Variants in PRMT3 observed in about 807,000 individuals in gnomAD.
PRMT3 encodes protein arginine methyltransferase 3.
PRMT3 carries 62 observed loss-of-function variants against 71.9 expected under a neutral mutation model. That is an observed-to-expected ratio of 0.86 (90% CI 0.70 to 1.07). The LOEUF is 1.07. Ranked by LOEUF, PRMT3 falls within the 50% of genes least tolerant of loss-of-function variation. The pLI, the probability that PRMT3 is intolerant of heterozygous loss-of-function variation, is 0.00. For missense variants in PRMT3, 663 were observed against 643.0 expected (o/e 1.03, Z -0.34); for synonymous variants, 213 against 220.4 (o/e 0.97, Z 0.30).
intron 8 of PRMT3, chr11:20,406,166 A>G (rs1041527038): frequency 6.6e-6 from 1 of 152,256 alleles, no homozygotes; most frequent in Non-Finnish European, 1.5e-5. Flanking sequence ...TAGTGTTTGC[A>G]TATAACCTGC....
intron 13 of PRMT3, among the ~76,000 whole-genome samples, chr11:20,480,212 C>T (rs1043308332): frequency 1.3e-5 from 2 of 151,996 alleles, no homozygotes; most frequent in Admixed American, 6.6e-5. Context: ...AGGAGTGGTC[C>T]GTATCTTGAT....
intron 10 of PRMT3, among the ~76,000 whole-genome samples, chr11:20,434,611 T>C (rs763310012): frequency 1.3e-5 from 2 of 152,208 alleles, no homozygotes; most frequent in African/African-American, 2.4e-5. Flanking sequence ...ATTTAGTGAA[T>C]AGGGAGTCCT....
chr11:20,477,462 C>G (rs2133427245), intron 13 of PRMT3, among the ~76,000 whole-genome samples: 1 of 152,014 alleles, frequency 6.6e-6, no homozygotes, highest in Non-Finnish European at 1.5e-5. Flanking sequence ...GATGCTGAAG[C>G]AGGAGAATCA....
intron 13 of PRMT3, among the ~76,000 whole-genome samples, chr11:20,492,103 A>G (rs1011270217): frequency 2.6e-5 from 4 of 152,234 alleles, no homozygotes; most frequent in Non-Finnish European, 5.9e-5. Flanking sequence ...TTGCTCTTAA[A>G]TAAATTGCAG....
intron 13 of PRMT3, among the ~76,000 whole-genome samples, chr11:20,482,023 G>A (rs554681274): frequency 6.6e-6 from 1 of 152,004 alleles, no homozygotes; most frequent in African/African-American, 2.4e-5. Flanking sequence ...GGGAGGAATC[G>A]CCTGTAATAC....
At chr11:20,392,103 A>T in intron 3 of PRMT3, 108 bp from the exon 4 acceptor site, 1 of 1,048,556 alleles carries the variant, frequency 9.5e-7, no homozygotes, top group Non-Finnish European at 1.4e-6. Flanking sequence ...GTAGTAATTT[A>T]GAGGTCAGAA....
intron 9 of PRMT3, among the ~76,000 whole-genome samples, chr11:20,418,833 C>T (rs1849365695): frequency 6.6e-6 from 1 of 151,660 alleles, no homozygotes; most frequent in African/African-American, 2.4e-5. Flanking sequence ...CATAAAACAT[C>T]AATAAACATG....
chr11:20,405,572 C>T (rs1849052159), intron 8 of PRMT3: 3 of 152,128 alleles, frequency 2.0e-5, no homozygotes, highest in African/African-American at 7.2e-5. Context: ...CTCTCTGAAG[C>T]TCACATTCTT....
At chr11:20,418,450 T>G (rs1849355643) in intron 9 of PRMT3, among the ~76,000 whole-genome samples, 1 of 152,224 alleles carries the variant, frequency 6.6e-6, no homozygotes, top group Admixed American at 6.5e-5. Context: ...TCTTTTTTCC[T>G]GTGTTTTCCC....
intron 11 of PRMT3, among the ~76,000 whole-genome samples, chr11:20,453,889 T>C (rs532403739): frequency 5.1e-4 from 77 of 152,306 alleles, no homozygotes; most frequent in African/African-American, 1.8e-3. Context: ...ATCTGAAATG[T>C]CGCAGTGAGC....
At chr11:20,443,688 T>G (rs1043523889) in intron 10 of PRMT3, among the ~76,000 whole-genome samples, 1 of 152,170 alleles carries the variant, frequency 6.6e-6, no homozygotes, top group East Asian at 1.9e-4. Flanking sequence ...CACACGTGCC[T>G]TGGGAAAGAT....
At chr11:20,433,954 C>T (rs1039089743) in intron 10 of PRMT3, among the ~76,000 whole-genome samples, 4 of 150,570 alleles carry the variant, frequency 2.7e-5, no homozygotes, top group African/African-American at 7.5e-5. Context: ...GAGGAATTAC[C>T]ATACTGCTTT....
At chr11:20,463,014 C>T (rs2133403276) in intron 12 of PRMT3, among the ~76,000 whole-genome samples, 1 of 152,250 alleles carries the variant, frequency 6.6e-6, no homozygotes, top group South Asian at 2.1e-4. Flanking sequence ...TACAGGCATG[C>T]ACCACCATGC....
chr11:20,453,252 A>C (rs958151279), intron 11 of PRMT3, among the ~76,000 whole-genome samples: 2 of 150,872 alleles, frequency 1.3e-5, no homozygotes, highest in Non-Finnish European at 3.0e-5. Flanking sequence ...AGGCCATGGC[A>C]GGCAGATCAC....
intron 9 of PRMT3, among the ~76,000 whole-genome samples, chr11:20,425,897 A>G (rs1387070763): frequency 2.0e-5 from 3 of 152,210 alleles, no homozygotes; most frequent in Non-Finnish European, 2.9e-5. Context: ...ATAATACCCA[A>G]TGAAGTTAAG....
chr11:20,430,701 T>C (rs1183723708), intron 10 of PRMT3, among the ~76,000 whole-genome samples: 3 of 152,214 alleles, frequency 2.0e-5, no homozygotes, highest in African/African-American at 7.2e-5. Context: ...CTCACATACT[T>C]ACCTGTCTTT....
chr11:20,424,925 G>A (rs1849511848), intron 9 of PRMT3, among the ~76,000 whole-genome samples: 1 of 152,048 alleles, frequency 6.6e-6, no homozygotes, highest in African/African-American at 2.4e-5. Context: ...ACAACATAGA[G>A]AAGCCCCATC....
chr11:20,497,124 G>A (rs1414493311), intron 15 of PRMT3, among the ~76,000 whole-genome samples: 1 of 152,090 alleles, frequency 6.6e-6, no homozygotes, highest in Non-Finnish European at 1.5e-5. Context: ...TGTTTTAATC[G>A]TGAGGGAGAC....
intron 13 of PRMT3, among the ~76,000 whole-genome samples, chr11:20,478,295 C>G: frequency 6.6e-6 from 1 of 151,630 alleles, no homozygotes; most frequent in East Asian, 1.9e-4. Context: ...TTTTTAAAGC[C>G]CAAACTGGAA....
Sources: gnomAD v4.1 joint callset for allele counts (sites outside exome capture counted in the v4.1 genomes callset) on GRCh38, gnomAD v4.1.1 for gene constraint, MANE v1.5 for transcripts, NCBI Gene and HGNC (gene_info 2026-07-23, HGNC 2026-07-21) for gene names.